The following PDE4D variants were observed in gnomAD, a reference collection of about 807,000 sequenced individuals.
PDE4D encodes phosphodiesterase 4D.
In PDE4D, 24 loss-of-function variants were observed where a neutral mutation model predicts 87.4. That is an observed-to-expected ratio of 0.27 (90% confidence interval 0.20 to 0.39). PDE4D has a LOEUF of 0.39. Ranked by LOEUF, PDE4D falls within the 10% of genes least tolerant of loss-of-function variation. The pLI is 1.00. For missense variants in PDE4D, 714 were observed against 1,041.0 expected, an observed-to-expected ratio of 0.69 and a Z score of 4.32; for synonymous variants, 384 against 383.2, an observed-to-expected ratio of 1.00 and a Z score of -0.02.
intron 1 of PDE4D, among the ~76,000 whole-genome samples, chr5:59,479,453 C>G (rs142201839): frequency 6.6e-6 from 1 of 151,986 alleles, no homozygotes; most frequent in Non-Finnish European, 1.5e-5. Context: ...TGAAATCATA[C>G]GTATTTTCTA....
chr5:59,507,787 A>T (rs983398429), intron 1 of PDE4D, among the ~76,000 whole-genome samples: 10 of 152,096 alleles, frequency 6.6e-5, no homozygotes, highest in African/African-American at 1.9e-4. Context: ...TATGAATATT[A>T]TCTTAGAAAT....
At chr5:59,138,245 CTG>C (rs1421809480) in intron 5 of PDE4D, among the ~76,000 whole-genome samples, 3 of 152,206 alleles carry the variant, frequency 2.0e-5, no homozygotes, top group African/African-American at 7.2e-5. Context: ...TAACCATTTA[CTG>C]AAGGAAAGCC....
intron 1 of PDE4D, among the ~76,000 whole-genome samples, chr5:59,387,134 T>A (rs6872134): frequency 0.13 from 20,073 of 152,220 alleles, 1,619 homozygotes; most frequent in Middle Eastern, 0.3. Flanking sequence ...TGTGCCATAA[T>A]GTTCTCTGTG....
intron 1 of PDE4D, among the ~76,000 whole-genome samples, chr5:60,380,982 G>T (rs917183439): frequency 3.3e-5 from 5 of 152,126 alleles, no homozygotes; most frequent in African/African-American, 1.2e-4. Context: ...AATCTAGGTG[G>T]CTCAAGCCCT....
chr5:59,609,224 G>C (rs893190), intron 1 of PDE4D, among the ~76,000 whole-genome samples: 1 of 152,126 alleles, frequency 6.6e-6, no homozygotes, highest in East Asian at 1.9e-4. Context: ...CTCATCATTG[G>C]TGCTATTCGT....
rs1282659644 is a variant in PDE4D, at chr5:59,069,788, T to C, written c.809-30817A>G. Among the ~76,000 whole-genome samples, 3 of 152,094 alleles carry C rather than the reference T, an allele frequency of 2.0e-5. No homozygotes were observed. The East Asian group carries it at 5.8e-4, about 29-fold the overall frequency. ...TTGAAAAATTTAAAATGTTATAAAA[T>C]TAAAATGTTTATATTTGGAAATTAT... is the stretch of plus-strand genomic sequence containing the variant. On this transcript the variant is annotated intron_variant, in intron 5 of 14. Transcript: ENST00000340635.
chr5:59,075,736 A>T (rs536410534), intron 5 of PDE4D, among the ~76,000 whole-genome samples: 1 of 152,272 alleles, frequency 6.6e-6, no homozygotes, highest in South Asian at 2.1e-4. Flanking sequence ...ATTTTCTAAG[A>T]TTTACATTAG....
At chr5:60,085,542 C>CT (rs1171303422) in intron 2 of PDE4D, among the ~76,000 whole-genome samples, 1 of 152,106 alleles carries the variant, frequency 6.6e-6, no homozygotes, top group East Asian at 1.9e-4. Context: ...GAAAGAAACT[C>CT]TTTTCTATGG....
At chr5:60,206,633 T>C (rs1742561094) in intron 1 of PDE4D, among the ~76,000 whole-genome samples, 1 of 152,240 alleles carries the variant, frequency 6.6e-6, no homozygotes, top group Admixed American at 6.5e-5. Context: ...AAAATATGTG[T>C]GCTCATAAAA....
At chr5:60,336,767 C>T (rs1757787773) in intron 1 of PDE4D, among the ~76,000 whole-genome samples, 2 of 152,182 alleles carry the variant, frequency 1.3e-5, no homozygotes, top group African/African-American at 4.8e-5. Flanking sequence ...TTCACACTTA[C>T]CCTCAATTCT....
At chr5:59,630,714 A>T (rs1191017654) in intron 1 of PDE4D, among the ~76,000 whole-genome samples, 1 of 152,204 alleles carries the variant, frequency 6.6e-6, no homozygotes, top group Non-Finnish European at 1.5e-5. Context: ...AACTTCTATA[A>T]TAGAAGCAGT....
chr5:60,027,015 C>A (rs1034301086), intron 2 of PDE4D, among the ~76,000 whole-genome samples: 6 of 152,108 alleles, frequency 3.9e-5, no homozygotes, highest in Non-Finnish European at 7.4e-5. Context: ...AAGGTTACCT[C>A]TTCAGAGAAG....
chr5:60,005,765 C>T (rs1764411951), intron 2 of PDE4D, among the ~76,000 whole-genome samples: 1 of 151,776 alleles, frequency 6.6e-6, no homozygotes, highest in Non-Finnish European at 1.5e-5. Context: ...GGTTGAACAA[C>T]ACAATAGAGA....
intron 6 of PDE4D, among the ~76,000 whole-genome samples, chr5:59,023,633 T>C (rs1190557598): frequency 6.6e-6 from 1 of 152,136 alleles, no homozygotes; most frequent in Non-Finnish European, 1.5e-5. Flanking sequence ...TCCAGCCTGG[T>C]TGACAAGGTG....
intron 2 of PDE4D, among the ~76,000 whole-genome samples, chr5:60,047,731 G>A (rs1471737849): frequency 1.3e-5 from 2 of 152,180 alleles, no homozygotes; most frequent in Admixed American, 6.5e-5. Flanking sequence ...TGGTCTGAGA[G>A]ATAGTTTGTT....
chr5:60,121,326 G>T (rs1043244535), intron 2 of PDE4D, among the ~76,000 whole-genome samples: 1 of 151,928 alleles, frequency 6.6e-6, no homozygotes. Context: ...CTCAGCAAGT[G>T]TTACTTTTAG....
intron 2 of PDE4D, chr5:59,215,458 C>T (rs1342418233): frequency 6.5e-6 from 2 of 305,350 alleles, no homozygotes; most frequent in East Asian, 9.2e-5. Context: ...TCAGGCTCTA[C>T]ATAAATATAA....
chr5:59,457,951 G>A (rs1358969400), intron 1 of PDE4D, among the ~76,000 whole-genome samples: 1 of 151,928 alleles, frequency 6.6e-6, no homozygotes, highest in Non-Finnish European at 1.5e-5. Context: ...AATAAGACAA[G>A]AAAATAACGA....
At chr5:59,854,685 AT>A (rs1419197241) in intron 1 of PDE4D, among the ~76,000 whole-genome samples, 1 of 152,124 alleles carries the variant, frequency 6.6e-6, no homozygotes, top group Non-Finnish European at 1.5e-5. Flanking sequence ...TCTCACTTTT[AT>A]CCCAGTAGTA....
Sources: allele counts gnomAD v4.1 joint callset (sites outside exome capture counted in the v4.1 genomes callset), GRCh38; gene constraint gnomAD v4.1.1; transcripts MANE v1.5; gene names NCBI Gene and HGNC (gene_info 2026-07-23, HGNC 2026-07-21).